AFF3: variants seen among roughly 807,000 people sequenced by gnomAD.
AFF3 encodes the protein ALF transcription elongation factor 3, also known as AF4/FMR2 family member 3.
In AFF3, 32 loss-of-function variants were observed where a neutral mutation model predicts 129.7. The ratio of observed to expected loss-of-function variants is 0.25; its 90% confidence interval spans 0.19 to 0.33. AFF3 has a LOEUF of 0.33. Among genes scored for constraint, AFF3 ranks in the 10% least tolerant of loss-of-function variants. The probability of loss-of-function intolerance (pLI) is 1.00; values close to 1 mark genes in which losing one functional copy is unlikely to be tolerated. For synonymous variants in AFF3, 644 were observed against 635.4 expected (o/e 1.01, Z -0.20); for missense variants, 1,373 against 1,592.0 (o/e 0.86, Z 2.34).
chr2:99,707,089 T>C (rs1677470385), intron 11 of AFF3: 1 of 985,238 alleles, frequency 1.0e-6, no homozygotes, highest in Non-Finnish European at 1.2e-6. Context: ...AATAGTACAA[T>C]GAAAATATTC....
intron 11 of AFF3, among the ~76,000 whole-genome samples, chr2:99,681,855 A>T (rs1355887213): frequency 6.6e-6 from 1 of 151,314 alleles, no homozygotes; most frequent in African/African-American, 2.4e-5. Context: ...AGACATGAAC[A>T]TCCTAAGTGA....
chr2:99,873,142 T>C (rs1193575183), intron 7 of AFF3, among the ~76,000 whole-genome samples: 1 of 152,230 alleles, frequency 6.6e-6, no homozygotes, highest in Non-Finnish European at 1.5e-5. Flanking sequence ...ACATATTTCA[T>C]ATTTATAGAG....
At chr2:100,090,938 C>A (rs1239419897) in intron 4 of AFF3, among the ~76,000 whole-genome samples, 2 of 152,230 alleles carry the variant, frequency 1.3e-5, no homozygotes, top group Admixed American at 1.3e-4. Flanking sequence ...GATCTACCCA[C>A]CTCGGCCTCC....
intron 7 of AFF3, among the ~76,000 whole-genome samples, chr2:99,954,678 C>T (rs1676464027): frequency 6.8e-6 from 1 of 147,184 alleles, no homozygotes; most frequent in Non-Finnish European, 1.5e-5. Context: ...AAAAACCAAA[C>T]ACCGCATATT....
intron 22 of AFF3, among the ~76,000 whole-genome samples, chr2:99,556,623 C>T (rs1038329333): frequency 6.6e-6 from 1 of 152,126 alleles, no homozygotes; most frequent in East Asian, 1.9e-4. Context: ...CTCAAAGTAG[C>T]ATTTAAATAG....
chr2:100,138,723 T>C (rs1692730518), intron 1 of AFF3, among the ~76,000 whole-genome samples: 1 of 151,928 alleles, frequency 6.6e-6, no homozygotes, highest in Non-Finnish European at 1.5e-5. Flanking sequence ...GGGGGGCGCA[T>C]CACCTGAGGT....
At chr2:99,799,236 T>C (rs1685756538) in intron 8 of AFF3, among the ~76,000 whole-genome samples, 1 of 151,912 alleles carries the variant, frequency 6.6e-6, no homozygotes, top group Non-Finnish European at 1.5e-5. Context: ...TCTCTAATGG[T>C]AGAACAGAGA....
At chr2:99,675,983 GTT>G (rs61405437) in intron 11 of AFF3, among the ~76,000 whole-genome samples, 12 of 140,348 alleles carry the variant, frequency 8.6e-5, no homozygotes, top group South Asian at 4.6e-4. Flanking sequence ...ATCTCCTACT[GTT>G]TTTTTTTTTT....
chr2:99,882,437 A>C (rs1166088901), intron 7 of AFF3, among the ~76,000 whole-genome samples: 2 of 152,244 alleles, frequency 1.3e-5, no homozygotes, highest in Admixed American at 1.3e-4. Context: ...AGCACTGCAC[A>C]GAAGCCTGGG....
intron 13 of AFF3, among the ~76,000 whole-genome samples, chr2:99,636,285 T>C (rs62154527): frequency 0.12 from 17,928 of 152,134 alleles, 1,131 homozygotes; most frequent in East Asian, 0.16. Flanking sequence ...AGGGAGGCCA[T>C]GTGGGGAGCT....
At chr2:99,818,486 C>T (rs1374161247) in intron 8 of AFF3, among the ~76,000 whole-genome samples, 1 of 152,144 alleles carries the variant, frequency 6.6e-6, no homozygotes, top group South Asian at 2.1e-4. Flanking sequence ...GTTTAAACGT[C>T]TATGTAAAGT....
chr2:99,838,617 G>C (rs1689075528), intron 7 of AFF3, among the ~76,000 whole-genome samples: 2 of 152,146 alleles, frequency 1.3e-5, no homozygotes, highest in African/African-American at 4.8e-5. Flanking sequence ...ATTCAATAGT[G>C]AAGTCTCCAG....
At chr2:99,764,720 G>C (rs1682871442) in intron 8 of AFF3, among the ~76,000 whole-genome samples, 1 of 152,040 alleles carries the variant, frequency 6.6e-6, no homozygotes, top group African/African-American at 2.4e-5. Context: ...AGAATTTTAG[G>C]AAGATGGTTT....
chr2:99,555,059 G>C (rs1260895415), intron 22 of AFF3, among the ~76,000 whole-genome samples: 1 of 152,174 alleles, frequency 6.6e-6, no homozygotes, highest in Admixed American at 6.5e-5. Context: ...TGAATATTCT[G>C]ATTTAGAAGT....
chr2:99,694,641 A>C (rs1676013747), intron 11 of AFF3, among the ~76,000 whole-genome samples: 1 of 152,194 alleles, frequency 6.6e-6, no homozygotes, highest in Non-Finnish European at 1.5e-5. Flanking sequence ...TGTAGTTTTA[A>C]ATTTTCTAGG....
chr2:99,763,742 A>T lies in AFF3; in HGVS notation c.922-11441T>A, dbSNP rs201138740. 2.2e-4 allele frequency among the ~76,000 whole-genome samples: 34 copies of T among 152,350 alleles called. No individual in the cohort carries two copies. In the East Asian group the frequency reaches 6.0e-3, roughly 27 times the overall value. ...CACAGATACAAACCAGCAAATAACC[A>T]AAAAGACTGCAAAAAAGAGGGTTAA... On this transcript the variant is annotated intron_variant, in intron 8 of 24. Coordinates refer to ENST00000672756, the MANE Select transcript of AFF3 (RefSeq NM_001386135.1).
rs762678546 is a variant in AFF3 at position 99,594,062 on chromosome 2, T to A, written c.1599A>T (p.Pro533=). 1 of 1,613,322 alleles carries A rather than the reference T, an allele frequency of 6.2e-7. No individual in the cohort carries two copies. Among genetic ancestry groups the A allele is most frequent in the South Asian group, 1.1e-5 (1 of 91,014 alleles). ...TCCCAGGGGCCTTGTTGGCTGTCCTTGGCCTTTGCTCCTCCTTGCAAGTGC... is the reference window on the plus strand; with the variant it reads ...TCCCAGGGGCCTTGTTGGCTGTCCTAGGCCTTTGCTCCTCCTTGCAAGTGC... ...IKSTCKEEQR[P]RTANKAPGSK... Residue 533 remains proline (P), a synonymous_variant, in exon 15 of 25, where the codon CCA becomes CCT. Coordinates refer to ENST00000672756, the MANE Select transcript of AFF3 (RefSeq NM_001386135.1).
intron 8 of AFF3, among the ~76,000 whole-genome samples, chr2:99,806,436 G>T (rs1018630138): frequency 1.5e-4 from 23 of 152,270 alleles, no homozygotes; most frequent in Admixed American, 3.3e-4. Context: ...TCTGCGATGG[G>T]AGTGTGTGCC....
chr2:99,885,446 C>A (rs1576275903), intron 7 of AFF3, among the ~76,000 whole-genome samples: 1 of 152,180 alleles, frequency 6.6e-6, no homozygotes, highest in Non-Finnish European at 1.5e-5. Flanking sequence ...ACACAGCCTG[C>A]ATGTAACATC....
Sources: allele counts gnomAD v4.1 joint callset (sites outside exome capture counted in the v4.1 genomes callset), GRCh38; gene constraint gnomAD v4.1.1; transcripts MANE v1.5; gene names NCBI Gene and HGNC (gene_info 2026-07-23, HGNC 2026-07-21).